The following UIMC1 variants were observed in gnomAD, a reference collection of about 807,000 sequenced individuals.
UIMC1 encodes the protein ubiquitin interaction motif containing 1, also known as BRCA1-A complex subunit RAP80.
Under a neutral mutation model 84.9 loss-of-function variants are expected in UIMC1, and 42 were observed. That is an observed-to-expected ratio of 0.49 (90% confidence interval 0.39 to 0.64). The LOEUF (loss-of-function observed/expected upper bound fraction) is 0.64, where lower values mean the gene tolerates loss of function less well. Among genes scored for constraint, UIMC1 ranks in the 30% least tolerant of loss-of-function variants. The pLI is 0.00. For synonymous variants in UIMC1, 281 were observed against 293.0 expected (o/e 0.96, Z 0.42); for missense variants, 825 against 847.6 (o/e 0.97, Z 0.33).
intron 1 of UIMC1, among the ~76,000 whole-genome samples, chr5:177,020,726 G>C (rs1775774450): frequency 6.6e-6 from 1 of 152,114 alleles, no homozygotes; most frequent in South Asian, 2.1e-4. Flanking sequence ...CACTGCGCCA[G>C]GCCTACTGTT....
chr5:176,912,964 G>A (rs981398968), intron 10 of UIMC1, among the ~76,000 whole-genome samples: 23 of 152,126 alleles, frequency 1.5e-4, no homozygotes, highest in African/African-American at 4.8e-4. Flanking sequence ...CACTGCGCCC[G>A]GCCAACTTGG....
intron 9 of UIMC1, among the ~76,000 whole-genome samples, chr5:176,944,629 C>A (rs1002720568): frequency 6.6e-6 from 1 of 152,184 alleles, no homozygotes; most frequent in African/African-American, 2.4e-5. Context: ...GAACAAAACA[C>A]GACCAAAACT....
Position 176,943,473 on chromosome 5 carries a change from C to T in UIMC1, c.1459G>A (p.Asp487Asn). Reference protein sequence around the residue: ...MADKEVGNKEDAEKEVAISTF... With the variant: ...MADKEVGNKENAEKEVAISTF... ...GAAATAGCTACTTCCTTCTCAGCAT[C>T]TTCCTTGTTACCAACCTGAAGAACA... Residue 487 changes from aspartate (D) to asparagine (N), a missense_variant, in exon 10 of 15, where the codon GAT (aspartate) becomes AAT (asparagine). Coordinates refer to ENST00000511320, the MANE Select transcript of UIMC1 (RefSeq NM_001199298.2). The T allele has an allele frequency of 6.2e-7, 1 of 1,613,976 alleles. No homozygotes were observed. Among genetic ancestry groups the T allele is most frequent in the Non-Finnish European group, 8.5e-7 (1 of 1,179,914 alleles).
intron 9 of UIMC1, among the ~76,000 whole-genome samples, chr5:176,951,147 C>T (rs1427622858): frequency 6.6e-6 from 1 of 152,124 alleles, no homozygotes; most frequent in East Asian, 1.9e-4. Context: ...TGCCCTGTAA[C>T]TTTGGATTCA....
intron 3 of UIMC1, among the ~76,000 whole-genome samples, chr5:176,972,272 A>G (rs1394630161): frequency 1.3e-5 from 2 of 151,866 alleles, no homozygotes; most frequent in East Asian, 3.9e-4. Context: ...CATGGTGGTG[A>G]GCGCCTATAG....
intron 10 of UIMC1, among the ~76,000 whole-genome samples, chr5:176,917,748 T>C (rs1320694623): frequency 1.3e-5 from 2 of 152,140 alleles, no homozygotes; most frequent in African/African-American, 4.8e-5. Context: ...TCACCTGAGG[T>C]CAGGAGTTCG....
intron 10 of UIMC1, among the ~76,000 whole-genome samples, chr5:176,925,237 T>C (rs1218898373): frequency 1.3e-5 from 2 of 151,982 alleles, no homozygotes; most frequent in East Asian, 3.9e-4. Context: ...ACAACAATCA[T>C]GTGAAAAAAA....
intron 10 of UIMC1, among the ~76,000 whole-genome samples, chr5:176,931,727 C>T (rs759747852): frequency 6.6e-6 from 1 of 152,138 alleles, no homozygotes; most frequent in Non-Finnish European, 1.5e-5. Flanking sequence ...TGGCTCATGC[C>T]TGTAATCCCA....
intron 1 of UIMC1, among the ~76,000 whole-genome samples, chr5:176,990,643 G>C (rs576036713): frequency 6.6e-6 from 1 of 152,080 alleles, no homozygotes; most frequent in Non-Finnish European, 1.5e-5. Context: ...TACAAATGTT[G>C]CCATATTTCT....
In UIMC1 at chr5:176,945,394, C is replaced by T. The variant is rs73341853; in HGVS notation, c.1444-1906G>A. On this transcript the variant is annotated intron_variant, in intron 9 of 14. Transcript: ENST00000511320. The stretch of plus-strand genomic sequence containing the variant: ...GAGGCCAAGGCATGTAGGGAGACTC[C>T]CTGAAACTATTGCTATGGAATTAAA... Among the ~76,000 whole-genome samples the T allele has an allele frequency of 9.1e-3, 1,379 of 152,220 alleles. 22 individuals carry two copies. Among genetic ancestry groups the T allele is most frequent in the African/African-American group, 0.031 (1,289 of 41,528 alleles).
At chr5:177,009,422 T>A (rs1157065372), upstream of UIMC1, among the ~76,000 whole-genome samples, 1 of 151,866 alleles carries the variant, frequency 6.6e-6, no homozygotes, top group East Asian at 1.9e-4. The surrounding 1 kb of genome is among the most constrained non-coding windows in gnomAD (Gnocchi z 4.3). Context: ...AGGACCCTAA[T>A]CATATATACC....
intron 1 of UIMC1, among the ~76,000 whole-genome samples, chr5:177,000,580 A>G (rs1469612985): frequency 6.8e-6 from 1 of 146,170 alleles, no homozygotes; most frequent in Non-Finnish European, 1.5e-5. Context: ...GGCTCACTGC[A>G]AACTCTGCCT....
intron 1 of UIMC1, among the ~76,000 whole-genome samples, chr5:176,998,930 C>T (rs776498298): frequency 3.3e-5 from 5 of 152,060 alleles, no homozygotes; most frequent in Non-Finnish European, 5.9e-5. Flanking sequence ...TGTCTCACGC[C>T]TGTAATTCCA....
At chr5:176,982,401 A>G in intron 2 of UIMC1, 68 bp downstream of exon 2, 4 of 1,535,004 alleles carry the variant, frequency 2.6e-6, no homozygotes, top group Non-Finnish European at 3.5e-6. Context: ...TCACGAAACA[A>G]ACTCCCCATG....
At chr5:176,965,464 G>A (rs1462120135) in intron 6 of UIMC1, among the ~76,000 whole-genome samples, 1 of 151,180 alleles carries the variant, frequency 6.6e-6, no homozygotes, top group Non-Finnish European at 1.5e-5. Flanking sequence ...TCCTTATAAA[G>A]TCCTCTTTTA....
intron 2 of UIMC1, among the ~76,000 whole-genome samples, chr5:176,979,526 C>T (rs911160611): frequency 5.9e-5 from 9 of 151,860 alleles, no homozygotes; most frequent in African/African-American, 2.2e-4. Flanking sequence ...TCGCTTGAAC[C>T]TGGGAGGCGG....
intron 10 of UIMC1, among the ~76,000 whole-genome samples, chr5:176,938,138 C>T (rs2149434723): frequency 6.9e-6 from 1 of 144,022 alleles, no homozygotes; most frequent in East Asian, 2.0e-4. Context: ...TGCAGTGAGC[C>T]ATGATTCCAC....
chr5:177,017,528 C>T lies in UIMC1; in HGVS notation c.-9+4936G>A, dbSNP rs188147034. ...TCTGCCTCCTGAGTAGCTGGGATTA[C>T]AGGCTTCTGCCACCATGCCTAGCTA... On this transcript the variant is annotated intron_variant, in intron 1 of 5. Transcript: ENST00000509236. 4.5e-3 allele frequency among the ~76,000 whole-genome samples: 682 copies of T among 152,244 alleles called. 5 individuals are homozygous for T. The highest frequency in any genetic ancestry group is 7.0e-3 in the Non-Finnish European group (473 of 68,014).
At chr5:176,995,571 C>T (rs902716678) in intron 1 of UIMC1, among the ~76,000 whole-genome samples, 5 of 141,822 alleles carry the variant, frequency 3.5e-5, no homozygotes, top group Non-Finnish European at 7.5e-5. Flanking sequence ...AGGCCAGGCA[C>T]GGTGGCTCAC....
Sources: gnomAD v4.1 joint callset for allele counts (sites outside exome capture counted in the v4.1 genomes callset) on GRCh38, gnomAD v4.1.1 for gene constraint, Gnocchi (gnomAD v3.1) non-coding constraint, MANE v1.5 for transcripts, NCBI Gene and HGNC (gene_info 2026-07-23, HGNC 2026-07-21) for gene names.